Variants in CACNA1A observed in about 807,000 individuals in gnomAD.
The protein encoded by CACNA1A is calcium voltage-gated channel subunit alpha1 A.
A neutral mutation model predicts 262.4 loss-of-function variants in CACNA1A; 57 were observed. That is an observed-to-expected ratio of 0.22 (90% CI 0.18 to 0.27). The LOEUF (loss-of-function observed/expected upper bound fraction) is 0.27, where lower values mean the gene tolerates loss of function less well. CACNA1A is among the 10% of genes least tolerant of loss of function. The pLI is 1.00. For missense variants in CACNA1A, 2,526 were observed against 3,562.8 expected, an observed-to-expected ratio of 0.71 and a Z score of 7.41; for synonymous variants, 1,431 against 1,419.3, an observed-to-expected ratio of 1.01 and a Z score of -0.18.
chr19:13,431,321 G>A (rs936880094), intron 3 of CACNA1A, among the ~76,000 whole-genome samples: 3 of 152,072 alleles, frequency 2.0e-5, no homozygotes, highest in Non-Finnish European at 2.9e-5. Context: ...GGTGGTGAGA[G>A]GTGGGTGGTG....
rs532707172 is a variant in CACNA1A at position 13,230,271 on chromosome 19, G to A, written c.5401-62C>T. ...AGAGACCGAGGGAATGAATGAGTGA[G>A]TGAGAAGGATACAGACAGACAGACG... On this transcript the variant is annotated intron_variant, in intron 35 of 46. Transcript: ENST00000360228. The A allele has an allele frequency of 4.3e-5, 68 of 1,583,638 alleles. 1 individual carries two copies. The East Asian group carries it at 1.3e-3, about 31-fold the overall frequency.
At chr19:13,446,385 T>C (rs1449645724) in intron 3 of CACNA1A, among the ~76,000 whole-genome samples, 2 of 151,774 alleles carry the variant, frequency 1.3e-5, no homozygotes, top group Non-Finnish European at 2.9e-5. Context: ...ACCATTGACA[T>C]TGGCAGAAGG....
At position 13,207,599 on chromosome 19, in the gene CACNA1A, C is replaced by A. The variant is rs775829854; in HGVS notation, c.7235G>T (p.Gly2412Val). The A allele has an allele frequency of 2.3e-5, 34 of 1,482,320 alleles. No individual in the cohort carries two copies. In the East Asian group the frequency reaches 5.9e-4, roughly 26 times the overall value. 91.8% of individuals were successfully genotyped at this position (1,482,320 alleles called of 1,614,324 possible). ...PGPRHHGYYR[G>V]SDYDEADGPG... ...GCCATCGGCCTCGTCGTAGTCGGAGCCCCGGTAGTAGCCATGGTGCCGGGG... is the reference window on the plus strand; with the variant it reads ...GCCATCGGCCTCGTCGTAGTCGGAGACCCGGTAGTAGCCATGGTGCCGGGG... The change falls in exon 47 of 47, where the codon GGC (glycine) becomes GTC (valine). Residue 2412 changes from glycine (G) to valine (V), a missense_variant. Physicochemically the swap from Gly to Val is moderately radical, Grantham distance 109. Around this residue, in one of 17 missense-constraint regions of CACNA1A, gnomAD observed 929 missense variants for 868.1 expected, o/e 1.07. Transcript: ENST00000360228. The surrounding 1 kb of genome is among the most constrained non-coding windows in gnomAD (Gnocchi z 5.7).
chr19:13,344,221 C>CA (rs35162704), intron 6 of CACNA1A, among the ~76,000 whole-genome samples: 70,053 of 121,370 alleles, frequency 0.58, 19,951 homozygotes, highest in Non-Finnish European at 0.66. Flanking sequence ...CTCAAAAAAG[C>CA]AAAAAAAAAA....
rs1014600271 is a variant in CACNA1A, at chr19:13,224,845, C to T, written c.5626-73G>A. The T allele has an allele frequency of 7.6e-5, 82 of 1,084,468 alleles. No homozygotes were observed. The South Asian group carries it at 1.1e-3, about 14-fold the overall frequency. 67.2% of individuals were successfully genotyped at this position (1,084,468 alleles called of 1,614,324 possible). A position where few individuals can be genotyped will look rare whatever the true frequency, so the allele number is the denominator to read the frequency against. On this transcript the variant is annotated intron_variant, in intron 37 of 46. Coordinates refer to ENST00000360228, the MANE Select transcript of CACNA1A (RefSeq NM_001127222.2). The stretch of plus-strand genomic sequence containing the variant: ...GGGTCTCCCGTGAGCCGCGCCCGCC[C>T]CTACCCAGGGAGTCCCAGGAAGAAC...
intron 3 of CACNA1A, among the ~76,000 whole-genome samples, chr19:13,436,529 A>G (rs1318078063): frequency 6.6e-6 from 1 of 151,196 alleles, no homozygotes; most frequent in East Asian, 1.9e-4. Flanking sequence ...TCATTCATTC[A>G]CTCACTCATT....
intron 6 of CACNA1A, among the ~76,000 whole-genome samples, chr19:13,354,213 T>C (rs944221404): frequency 2.0e-5 from 3 of 152,206 alleles, no homozygotes; most frequent in African/African-American, 7.2e-5. Context: ...CCTGTGTCCA[T>C]GGATTCCAAG....
At chr19:13,462,085 A>G (rs1358643842) in intron 1 of CACNA1A, among the ~76,000 whole-genome samples, 1 of 152,190 alleles carries the variant, frequency 6.6e-6, no homozygotes, top group Non-Finnish European at 1.5e-5. Context: ...CAGAACATGA[A>G]GGAAAATTCT....
chr19:13,413,533 C>T (rs969057914), intron 3 of CACNA1A, among the ~76,000 whole-genome samples: 3 of 141,422 alleles, frequency 2.1e-5, no homozygotes. Context: ...TATAGTGCCA[C>T]TGCACTCTGG....
chr19:13,445,996 C>T (rs972325961), intron 3 of CACNA1A, among the ~76,000 whole-genome samples: 5 of 152,052 alleles, frequency 3.3e-5, no homozygotes, highest in African/African-American at 1.2e-4. Flanking sequence ...CTCATTAGGC[C>T]GGGCACGGTG....
intron 1 of CACNA1A, among the ~76,000 whole-genome samples, chr19:13,489,825 G>A (rs1250433038): frequency 2.0e-5 from 3 of 152,076 alleles, no homozygotes; most frequent in African/African-American, 7.2e-5. Context: ...CCTAAATCAA[G>A]CCCACATCTC....
At chr19:13,455,273 AC>A (rs750716156) in intron 1 of CACNA1A, 61 bp from the exon 2 acceptor site, 3 of 899,110 alleles carry the variant, frequency 3.3e-6, no homozygotes, top group East Asian at 4.9e-5. Context: ...AGGTGCACCC[AC>A]CCCCACTGAC....
At position 13,207,212 on chromosome 19, in the gene CACNA1A, G is replaced by T; in HGVS notation, c.*101C>A. ...GGGGTCTCCCGGCTGGCCCTCTCCC[G>T]GGCCCTCTGTGCTGGGCCCCCGCGG... On this transcript the variant is annotated 3_prime_UTR_variant, in exon 47 of 47. Transcript: ENST00000360228. The surrounding 1 kb of genome is among the most constrained non-coding windows in gnomAD (Gnocchi z 5.7). 1 of 1,277,032 alleles carries T rather than the reference G, an allele frequency of 7.8e-7. No homozygotes were observed. Among genetic ancestry groups the T allele is most frequent in the Non-Finnish European group, 1.0e-6 (1 of 979,648 alleles). The allele number at this position is 1,277,032 out of a possible 1,614,324, so 79.1% of individuals were successfully genotyped here.
In CACNA1A at chr19:13,415,849, G is replaced by A. The variant is rs184559404; in HGVS notation, c.539+37027C>T. 4.1e-3 allele frequency among the ~76,000 whole-genome samples: 624 copies of A among 151,052 alleles called. 4 individuals carry two copies. The highest frequency in any genetic ancestry group is 0.013 in the African/African-American group (543 of 41,220). ...AAGAGAAAACTCCAGAGGGACTGAGGGAGCTGTCCAAGGTCACCTAGCAAG... is the reference window on the plus strand; with the variant it reads ...AAGAGAAAACTCCAGAGGGACTGAGAGAGCTGTCCAAGGTCACCTAGCAAG... On this transcript the variant is annotated intron_variant, in intron 3 of 46. Transcript: ENST00000360228.
At chr19:13,347,348 T>C (rs935338198) in intron 6 of CACNA1A, among the ~76,000 whole-genome samples, 5 of 151,990 alleles carry the variant, frequency 3.3e-5, no homozygotes, top group South Asian at 2.1e-4. Flanking sequence ...TAGATCATAA[T>C]GGCCACGGTG....
intron 6 of CACNA1A, among the ~76,000 whole-genome samples, chr19:13,352,175 G>T (rs140877717): frequency 4.8e-4 from 73 of 152,240 alleles, no homozygotes; most frequent in African/African-American, 1.5e-3. Context: ...GGAGGCTGAG[G>T]TTGGTGGATC....
intron 1 of CACNA1A, among the ~76,000 whole-genome samples, chr19:13,489,997 C>T (rs1001361250): frequency 6.6e-6 from 1 of 152,170 alleles, no homozygotes; most frequent in African/African-American, 2.4e-5. Context: ...TCTCTCTCCC[C>T]ACCCAGAATA....
At chr19:13,473,115 T>C (rs1978289825) in intron 1 of CACNA1A, among the ~76,000 whole-genome samples, 3 of 152,012 alleles carry the variant, frequency 2.0e-5, no homozygotes, top group Admixed American at 2.0e-4. Context: ...TAGCTGAGTA[T>C]GGTGGTGCAC....
At chr19:13,455,869 CAAA>C (rs766436872) in intron 1 of CACNA1A, among the ~76,000 whole-genome samples, 10 of 76,114 alleles carry the variant, frequency 1.3e-4, no homozygotes, top group Non-Finnish European at 8.7e-5. Flanking sequence ...GGCCCTGTCT[CAAA>C]AAAAAAAAAA....
Sources: allele counts gnomAD v4.1 joint callset (sites outside exome capture counted in the v4.1 genomes callset), GRCh38; gene constraint gnomAD v4.1.1; regional missense constraint gnomAD v4.1.1; non-coding constraint Gnocchi (gnomAD v3.1); transcripts MANE v1.5; gene names NCBI Gene and HGNC (gene_info 2026-07-23, HGNC 2026-07-21).